Variants in ZMYM6 observed in about 807,000 individuals in gnomAD.
ZMYM6 encodes zinc finger MYM-type containing 6.
A neutral mutation model predicts 134.0 loss-of-function variants in ZMYM6; 90 were observed. The observed-to-expected ratio is 0.67, with a 90% CI of 0.57 to 0.80. The LOEUF is 0.80. Among genes scored for constraint, ZMYM6 ranks in the 30% least tolerant of loss-of-function variants. ZMYM6 has a pLI of 0.00. For synonymous variants in ZMYM6, 481 were observed against 524.1 expected, an observed-to-expected ratio of 0.92 and a Z score of 1.12; for missense variants, 1,362 against 1,533.9, an observed-to-expected ratio of 0.89 and a Z score of 1.87.
intron 10 of ZMYM6, among the ~76,000 whole-genome samples, chr1:35,009,798 T>C (rs781140465): frequency 6.6e-6 from 1 of 151,836 alleles, no homozygotes; most frequent in Non-Finnish European, 1.5e-5. Flanking sequence ...TAGCCAGGCA[T>C]GGTGGCACGC....
At chr1:35,010,388 C>A in intron 10 of ZMYM6, 59 bp downstream of exon 10, 2 of 1,550,812 alleles carry the variant, frequency 1.3e-6, no homozygotes, top group African/African-American at 2.8e-5. Flanking sequence ...GCTTAATTGC[C>A]CAAGTCGTCA....
At chr1:34,996,537 T>C (rs1256372996) in intron 14 of ZMYM6, among the ~76,000 whole-genome samples, 1 of 152,244 alleles carries the variant, frequency 6.6e-6, no homozygotes, top group African/African-American at 2.4e-5. Context: ...ATTAGTTGTC[T>C]TCCAGGGATA....
At chr1:34,995,551 T>C (rs1490384063) in intron 14 of ZMYM6, among the ~76,000 whole-genome samples, 1 of 152,064 alleles carries the variant, frequency 6.6e-6, no homozygotes, top group Non-Finnish European at 1.5e-5. Flanking sequence ...TCTCAAAATA[T>C]CTTAATGTGC....
At chr1:34,994,320 T>C (rs1463691696) in intron 14 of ZMYM6, among the ~76,000 whole-genome samples, 1 of 152,092 alleles carries the variant, frequency 6.6e-6, no homozygotes, top group Non-Finnish European at 1.5e-5. Flanking sequence ...AGTGATGGCA[T>C]GGAGGAGGGG....
In ZMYM6 at chr1:35,018,257, T is replaced by TCA. The variant is rs1158438397; in HGVS notation, c.428+1094_428+1095dup. ...TATTTGAAAGGCTGAGGTGGGAGGA[T>TCA]CATCTGAGCCCGGGGAGTTCAAGGC... is the stretch of plus-strand genomic sequence containing the variant. On this transcript the variant is annotated intron_variant, in intron 4 of 15. Coordinates refer to ENST00000357182, the MANE Select transcript of ZMYM6 (RefSeq NM_007167.4). The TCA allele has an allele frequency of 3.3e-5, 5 of 151,612 alleles. No homozygotes were observed. In the East Asian group the frequency reaches 9.7e-4, roughly 29 times the overall value. The allele number at this position is 151,612 out of a possible 1,614,324, so 9.4% of individuals were successfully genotyped here. A position where few individuals can be genotyped will look rare whatever the true frequency, so the allele number is the denominator to read the frequency against.
At chr1:35,001,346 T>C (rs1182175411) in intron 14 of ZMYM6, among the ~76,000 whole-genome samples, 1 of 151,832 alleles carries the variant, frequency 6.6e-6, no homozygotes, top group Non-Finnish European at 1.5e-5. Flanking sequence ...GTAAAAATAT[T>C]AATCAAAACT....
chr1:35,030,490 G>T, intron 2 of ZMYM6, 57 bp downstream of exon 2: 1 of 1,535,830 alleles, frequency 6.5e-7, no homozygotes, highest in South Asian at 1.2e-5. Context: ...TTTTTCAGTT[G>T]ACCAGATGGA....
intron 6 of ZMYM6, among the ~76,000 whole-genome samples, chr1:35,014,265 C>G (rs1314105452): frequency 6.6e-6 from 1 of 152,128 alleles, no homozygotes; most frequent in East Asian, 1.9e-4. Flanking sequence ...TTCTTGCTAT[C>G]AATACATCAC....
intron 11 of ZMYM6, among the ~76,000 whole-genome samples, chr1:35,007,494 A>C (rs1327248535): frequency 6.6e-6 from 1 of 152,150 alleles, no homozygotes; most frequent in Non-Finnish European, 1.5e-5. Context: ...AGGCTGAGGT[A>C]AGATAATCGC....
intron 15 of ZMYM6, 41 bp from the exon 16 acceptor site, chr1:34,988,976 A>G: frequency 1.9e-6 from 3 of 1,583,946 alleles, no homozygotes; most frequent in Non-Finnish European, 2.6e-6. Context: ...TCAAGAACAA[A>G]TAAGCAATGT....
At chr1:35,025,900 G>A (rs1641405980) in intron 2 of ZMYM6, among the ~76,000 whole-genome samples, 1 of 152,104 alleles carries the variant, frequency 6.6e-6, no homozygotes, top group South Asian at 2.1e-4. Flanking sequence ...TGTGAGCATC[G>A]AATGGATTAA....
In ZMYM6 at chr1:35,030,729, A is replaced by T; in HGVS notation, c.-74-16T>A. On this transcript the variant is annotated splice_polypyrimidine_tract_variant and intron_variant, in intron 1 of 15. Transcript: ENST00000357182. Reference sequence around the variant, plus strand: ...AGTTGGACACCTAAAATACATACTCAGGCTTATTCTTTTTTCTTCAGGCTT... The same window carrying T: ...AGTTGGACACCTAAAATACATACTCTGGCTTATTCTTTTTTCTTCAGGCTT... 1 of 1,264,034 alleles carries T rather than the reference A, an allele frequency of 7.9e-7. No homozygotes were observed. Among genetic ancestry groups the T allele is most frequent in the Non-Finnish European group, 1.1e-6 (1 of 894,982 alleles). The allele number at this position is 1,264,034 out of a possible 1,614,324, so 78.3% of individuals were successfully genotyped here.
intron 4 of ZMYM6, among the ~76,000 whole-genome samples, chr1:35,016,702 G>A (rs969117144): frequency 2.6e-5 from 4 of 152,118 alleles, no homozygotes; most frequent in Non-Finnish European, 5.9e-5. Flanking sequence ...GGAGTGCAGT[G>A]GCTCACCCCC....
Position 35,010,914 on chromosome 1 carries a change from G to T in ZMYM6, c.1185C>A (p.Ala395=), listed in dbSNP as rs200603013. 22 of 1,613,256 alleles carry T rather than the reference G, an allele frequency of 1.4e-5. No individual in the cohort carries two copies. Among genetic ancestry groups the T allele is most frequent in the South Asian group, 2.2e-5 (2 of 90,940 alleles). ...AVSIGGGNTS[A]VSPSSIRGSA... ...AGCCACGGATGGAGCTGGGGGAAAC[G>T]GCAGAGGTGTTACCTCCTCCTATTG... is the stretch of plus-strand genomic sequence containing the variant. Residue 395 remains alanine, a synonymous_variant, in exon 9 of 16, where the codon GCC becomes GCA. Coordinates refer to ENST00000357182, the MANE Select transcript of ZMYM6 (RefSeq NM_007167.4).
intron 4 of ZMYM6, among the ~76,000 whole-genome samples, chr1:35,015,413 A>G (rs1351552263): frequency 1.3e-5 from 2 of 152,040 alleles, no homozygotes; most frequent in African/African-American, 2.4e-5. Flanking sequence ...ATTTGTCAAG[A>G]GTGAATTATA....
intron 14 of ZMYM6, among the ~76,000 whole-genome samples, chr1:35,000,679 A>T (rs1374339345): frequency 6.6e-6 from 1 of 152,210 alleles, no homozygotes; most frequent in Non-Finnish European, 1.5e-5. Flanking sequence ...ATCAACATGG[A>T]TAGGTATTTT....
At chr1:35,012,370 A>C in intron 7 of ZMYM6, 61 bp downstream of exon 7, 1 of 1,329,782 alleles carries the variant, frequency 7.5e-7, no homozygotes, top group Non-Finnish European at 9.9e-7. Flanking sequence ...ATCAGAGAAA[A>C]GCAGTTACGT....
intron 14 of ZMYM6, among the ~76,000 whole-genome samples, chr1:35,002,644 A>G (rs186879791): frequency 1.3e-5 from 2 of 152,296 alleles, no homozygotes; most frequent in Admixed American, 1.3e-4. Flanking sequence ...CAGTTTTTTG[A>G]GCACTACTGC....
rs527619953 is a variant in ZMYM6 at position 34,988,125 on chromosome 1, A to G, written c.2957T>C (p.Met986Thr). ...VGLCTDGAAS[M>T]TGRYSGLKAK... ...TTTTAAACCAGAATACCTGCCAGTC[A>G]TGCTTGCAGCCCCATCGGTACAGAG... The change falls in exon 16 of 16, where the codon ATG (methionine) becomes ACG (threonine). Residue 986 changes from methionine to threonine, a missense_variant. Physicochemically the swap from Met to Thr is moderately conservative, Grantham distance 81. Coordinates refer to ENST00000357182, the MANE Select transcript of ZMYM6 (RefSeq NM_007167.4). The G allele has an allele frequency of 1.3e-6, 2 of 1,551,564 alleles. No homozygotes were observed. The highest frequency in any genetic ancestry group is 2.4e-5 in the South Asian group (2 of 84,066).
Sources: gnomAD v4.1 joint callset for allele counts (sites outside exome capture counted in the v4.1 genomes callset) on GRCh38, gnomAD v4.1.1 for gene constraint, MANE v1.5 for transcripts, NCBI Gene and HGNC (gene_info 2026-07-23, HGNC 2026-07-21) for gene names.